Variants in CSPG4 observed in about 807,000 individuals in gnomAD.
CSPG4 encodes chondroitin sulfate proteoglycan 4, also known as chondroitin sulfate proteoglycan 4 (melanoma-associated).
A neutral mutation model predicts 139.3 loss-of-function variants in CSPG4; 74 were observed. That is an observed-to-expected ratio of 0.53 (90% CI 0.44 to 0.64). The LOEUF is 0.64. Among genes scored for constraint, CSPG4 ranks in the 30% least tolerant of loss-of-function variants. The pLI is 0.00. For synonymous variants in CSPG4, 1,234 were observed against 1,394.2 expected (o/e 0.89, Z 2.56); for missense variants, 2,565 against 3,148.3 (o/e 0.81, Z 4.43).
rs754936270 is a variant in CSPG4, at chr15:75,687,597, G to A, written c.3468C>T (p.Leu1156=). Residue 1156 remains leucine (L), a synonymous_variant, in exon 3 of 10, where the codon CTC becomes CTT. Transcript: ENST00000308508. The surrounding 1 kb of genome is among the most constrained non-coding windows in gnomAD (Gnocchi z 5.4). The stretch of plus-strand genomic sequence containing the variant: ...GGACCTCATCCCCACTGCGGATGTC[G>A]AGGTTGGTGTCCAGGTGGAGCACGG... The part of the protein sequence containing the change: ...DTAVLHLDTN[L]DIRSGDEVHY... 2.9e-5 allele frequency: 47 copies of A among 1,611,012 alleles called. No homozygotes were observed. Among genetic ancestry groups the A allele is most frequent in the Admixed American group, 2.7e-4 (16 of 59,918 alleles).
intron 2 of CSPG4, among the ~76,000 whole-genome samples, chr15:75,691,647 A>G (rs1450701553): frequency 6.6e-6 from 1 of 152,154 alleles, no homozygotes; most frequent in African/African-American, 2.4e-5. Context: ...TCTGAAAAAA[A>G]GCTCCCTGAC....
chr15:75,685,226 C>T lies in CSPG4; in HGVS notation c.4265G>A (p.Trp1422Ter). ...CCTCTCTCACAGCCATACCATTCTC[C>T]AGGAGAAGGCGCTGAGGGTCCTGGC... Reference protein sequence around the residue: ...PQARTLSAFSWRMVEEQLIRY... With the variant: ...PQARTLSAFS Residue 1422 changes from tryptophan (W) to a stop codon, truncating the protein, a stop_gained, in exon 4 of 10, where the codon TGG (tryptophan) becomes TAG (stop). Coordinates refer to ENST00000308508, the MANE Select transcript of CSPG4 (RefSeq NM_001897.5). LOFTEE classifies it high-confidence loss of function. The T allele has an allele frequency of 6.6e-7, 1 of 1,518,160 alleles. No homozygotes were observed. The highest frequency in any genetic ancestry group is 8.8e-7 in the Non-Finnish European group (1 of 1,134,334). 94.0% of individuals were successfully genotyped at this position (1,518,160 alleles called of 1,614,324 possible). A position where few individuals can be genotyped will look rare whatever the true frequency, so the allele number is the denominator to read the frequency against.
intron 8 of CSPG4, among the ~76,000 whole-genome samples, chr15:75,681,050 C>T (rs962271008): frequency 4.6e-5 from 7 of 152,330 alleles, no homozygotes; most frequent in East Asian, 1.9e-4. Flanking sequence ...CTCTCCATTC[C>T]TGGGCATTCT....
At chr15:75,705,046 G>C (rs570315787) in intron 1 of CSPG4, among the ~76,000 whole-genome samples, 1 of 152,324 alleles carries the variant, frequency 6.6e-6, no homozygotes, top group East Asian at 1.9e-4. Flanking sequence ...TCACTCACCT[G>C]CTCTGGGGAC....
chr15:75,687,246 C>G lies in CSPG4; in HGVS notation c.3789+30G>C. 1 of 1,607,618 alleles carries G rather than the reference C, an allele frequency of 6.2e-7. No individual in the cohort carries two copies. The highest frequency in any genetic ancestry group is 8.5e-7 in the Non-Finnish European group (1 of 1,179,658). ...GGGAGAAGGCCCTCTACCTGGCCCACACCCCTGCTCACCACCTCCAACTCC... is the reference window on the plus strand; with the variant it reads ...GGGAGAAGGCCCTCTACCTGGCCCAGACCCCTGCTCACCACCTCCAACTCC... On this transcript the variant is annotated intron_variant, in intron 3 of 9. Coordinates refer to ENST00000308508, the MANE Select transcript of CSPG4 (RefSeq NM_001897.5). The surrounding 1 kb of genome is among the most constrained non-coding windows in gnomAD (Gnocchi z 5.4).
chr15:75,689,375 C>T lies in CSPG4; in HGVS notation c.1690G>A (p.Val564Met), dbSNP rs1391196229. 2 of 1,612,510 alleles carry T rather than the reference C, an allele frequency of 1.2e-6. No individual in the cohort carries two copies. Among genetic ancestry groups the T allele is most frequent in the Non-Finnish European group, 1.7e-6 (2 of 1,179,866 alleles). The change falls in exon 3 of 10, where the codon GTG becomes ATG. Residue 564 changes from valine (V) to methionine (M), a missense_variant. Coordinates refer to ENST00000308508, the MANE Select transcript of CSPG4 (RefSeq NM_001897.5). ...HIIFPHGSLM[V>M]ILEHTQKPLG... ...GGCTTCTGCGTGTGTTCCAGGATCA[C>T]CATGAGGCTGCCATGTGGGAAGATG...
rs564006260 is a variant in CSPG4 at position 75,682,870 on chromosome 15, C to T, written c.4621G>A (p.Gly1541Ser). 164 of 1,610,066 alleles carry T rather than the reference C, an allele frequency of 1.0e-4. No homozygotes were observed. The highest frequency in any genetic ancestry group is 3.3e-4 in the Admixed American group (20 of 59,926). Residue 1541 changes from glycine to serine, a missense_variant, in exon 6 of 10, where the codon GGC becomes AGC. Coordinates refer to ENST00000308508, the MANE Select transcript of CSPG4 (RefSeq NM_001897.5). ...CTGTGTGAGAACAGCACGAGCCCGC[C>T]GTCCAGCTGGGCCTGCGTGAAGCTG... ...VRSFTQAQLD[G>S]GLVLFSHRGT... is the part of the protein sequence containing the mutation.
Position 75,688,544 on chromosome 15 carries a change from G to A in CSPG4, c.2521C>T (p.Leu841=). The A allele has an allele frequency of 6.2e-7, 1 of 1,613,204 alleles. No individual in the cohort carries two copies. The highest frequency in any genetic ancestry group is 8.5e-7 in the Non-Finnish European group (1 of 1,180,040). The change falls in exon 3 of 10, where the codon CTG becomes TTG. Residue 841 remains leucine (L), a synonymous_variant. Transcript: ENST00000308508. ...TGGGTGAAGCCCTGGCCATCTGACA[G>A]CCTTGTGCCCTGTAGTTGAAGGTTG... ...KGNLQLQGTR[L]SDGQGFTQDD...
rs774334588 is a variant in CSPG4 at position 75,688,133 on chromosome 15, C to T, written c.2932G>A (p.Glu978Lys). 2.0e-5 allele frequency: 33 copies of T among 1,612,740 alleles called. No individual in the cohort carries two copies. The highest frequency in any genetic ancestry group is 1.6e-4 in the Middle Eastern group (1 of 6,076). The change falls in exon 3 of 10, where the codon GAG becomes AAG. Residue 978 changes from glutamate (E) to lysine (K), a missense_variant. Physicochemically the swap from Glu to Lys is moderately conservative, Grantham distance 56. This residue lies in a region of CSPG4 where 2,316 missense variants were observed against 2,818.2 expected (regional missense o/e 0.82). Transcript: ENST00000308508. ...AATGGGATATCATCTTCTGTGGTCTCGGAGTCATCATGCTGGTAGACCAGC... is the reference window on the plus strand; with the variant it reads ...AATGGGATATCATCTTCTGTGGTCTTGGAGTCATCATGCTGGTAGACCAGC... ...GRLVYQHDDS[E>K]TTEDDIPFVA...
Position 75,712,827 on chromosome 15 carries a change from G to A in CSPG4, c.-72C>T, listed in dbSNP as rs1241301854. 5 of 1,322,664 alleles carry A rather than the reference G, an allele frequency of 3.8e-6. No individual in the cohort carries two copies. Among genetic ancestry groups the A allele is most frequent in the Non-Finnish European group, 4.0e-6 (4 of 987,758 alleles). The allele number at this position is 1,322,664 out of a possible 1,614,324, so 81.9% of individuals were successfully genotyped here. Reference sequence around the variant, plus strand: ...GGGAGCTGGGAGCTGAGTGGAGCGAGCGCGGCTCTGCTCCTGGGCGCGGGC... The same window carrying A: ...GGGAGCTGGGAGCTGAGTGGAGCGAACGCGGCTCTGCTCCTGGGCGCGGGC... On this transcript the variant is annotated 5_prime_UTR_variant, in exon 1 of 10. Transcript: ENST00000308508.
Position 75,688,380 on chromosome 15 carries a change from A to G in CSPG4, c.2685T>C (p.Gly895=). ...PLYTFPIHIG[G]DPDAPVLTNV... Reference sequence around the variant, plus strand: ...TGGTGAGGACAGGCGCATCTGGGTCACCACCAATGTGGATGGGGAAGGTAT... The same window carrying G: ...TGGTGAGGACAGGCGCATCTGGGTCGCCACCAATGTGGATGGGGAAGGTAT... Residue 895 remains glycine (G), a synonymous_variant, in exon 3 of 10, where the codon GGT becomes GGC. Coordinates refer to ENST00000308508, the MANE Select transcript of CSPG4 (RefSeq NM_001897.5). 1 of 1,613,352 alleles carries G rather than the reference A, an allele frequency of 6.2e-7. No homozygotes were observed. The highest frequency in any genetic ancestry group is 1.1e-5 in the South Asian group (1 of 91,092).
intron 1 of CSPG4, among the ~76,000 whole-genome samples, chr15:75,701,719 C>A (rs1255571105): frequency 6.6e-6 from 1 of 152,198 alleles, no homozygotes; most frequent in Non-Finnish European, 1.5e-5. Context: ...TCCAGGCCCA[C>A]TGCCAGTGTC....
At chr15:75,691,043 G>A (rs1308649429) in intron 2 of CSPG4, among the ~76,000 whole-genome samples, 3 of 152,282 alleles carry the variant, frequency 2.0e-5, no homozygotes, top group East Asian at 3.9e-4. Flanking sequence ...GCATGGTGGC[G>A]CATGCCTGTA....
At position 75,690,167 on chromosome 15, in the gene CSPG4, C is replaced by T. The variant is rs527729078; in HGVS notation, c.898G>A (p.Val300Met). The change falls in exon 3 of 10, where the codon GTG (valine) becomes ATG (methionine). Residue 300 changes from valine (V) to methionine (M), a missense_variant. By Grantham distance (21) the Val-to-Met change is conservative. Coordinates refer to ENST00000308508, the MANE Select transcript of CSPG4 (RefSeq NM_001897.5). The stretch of plus-strand genomic sequence containing the variant: ...GAAGTATGCGTAGGGTACTGGTCCA[C>T]GGAGATTTCCAGCCGGTGAGCATTG... Reference protein sequence around the residue: ...HINAHRLEISVDQYPTHTSNR... With the variant: ...HINAHRLEISMDQYPTHTSNR... 8.7e-6 allele frequency: 14 copies of T among 1,613,146 alleles called. No individual in the cohort carries two copies. The highest frequency in any genetic ancestry group is 1.7e-4 in the Middle Eastern group (1 of 6,058).
At chr15:75,679,794 C>G (rs996035802) in intron 8 of CSPG4, 3 of 152,154 alleles carry the variant, frequency 2.0e-5, no homozygotes, top group Admixed American at 1.3e-4. Context: ...CAAGCGATTC[C>G]CCTGCCTCAG....
rs200546042 is a variant in CSPG4 at position 75,690,703 on chromosome 15, G to A, written c.362C>T (p.Ala121Val). 1.1e-5 allele frequency: 17 copies of A among 1,612,978 alleles called. No homozygotes were observed. Among genetic ancestry groups the A allele is most frequent in the Admixed American group, 1.7e-5 (1 of 60,012 alleles). The change falls in exon 3 of 10, where the codon GCC becomes GTC. Residue 121 changes from alanine to valine, a missense_variant. Transcript: ENST00000308508. ...TVVLTVVEGWATLSVDGFLNA... is the reference protein window; with the variant it reads ...TVVLTVVEGWVTLSVDGFLNA... ...CAGAAACCCATCGACTGACAACGTGGCCCAGCCCTCTACGACAGTCAGCAC... is the reference window on the plus strand; with the variant it reads ...CAGAAACCCATCGACTGACAACGTGACCCAGCCCTCTACGACAGTCAGCAC...
chr15:75,681,238 C>T (rs1258460878), intron 8 of CSPG4, among the ~76,000 whole-genome samples: 1 of 152,232 alleles, frequency 6.6e-6, no homozygotes, highest in Non-Finnish European at 1.5e-5. Flanking sequence ...TCAAAGCCAC[C>T]TCCTTCCAGA....
In CSPG4 at chr15:75,690,713, C is replaced by T. The variant is rs1241992370; in HGVS notation, c.352G>A (p.Glu118Lys). The T allele has an allele frequency of 6.2e-7, 1 of 1,613,060 alleles. No individual in the cohort carries two copies. The highest frequency in any genetic ancestry group is 8.5e-7 in the Non-Finnish European group (1 of 1,180,046). The change falls in exon 3 of 10, where the codon GAG becomes AAG. Residue 118 changes from glutamate to lysine, a missense_variant. Glu to Lys is a moderately conservative substitution (Grantham distance 56). Coordinates refer to ENST00000308508, the MANE Select transcript of CSPG4 (RefSeq NM_001897.5). Reference protein sequence around the residue: ...IPHTVVLTVVEGWATLSVDGF... With the variant: ...IPHTVVLTVVKGWATLSVDGF... The stretch of plus-strand genomic sequence containing the variant: ...TCGACTGACAACGTGGCCCAGCCCT[C>T]TACGACAGTCAGCACCACAGTGTGG...
rs140429412 is a variant in CSPG4 at position 75,676,418 on chromosome 15, T to C, written c.6101A>G (p.Asn2034Ser). ...AGTGACGTTCACTACGGCTGATGCA[T>C]TGACACCCCTAGCCAGTGCCAGGAC... ...FRVLALARGV[N>S]ASAVVNVTVR... The change falls in exon 10 of 10, where the codon AAT (asparagine) becomes AGT (serine). Residue 2034 changes from asparagine (N) to serine (S), a missense_variant. By Grantham distance (46) the Asn-to-Ser change is conservative. Coordinates refer to ENST00000308508, the MANE Select transcript of CSPG4 (RefSeq NM_001897.5). 70 of 1,613,618 alleles carry C rather than the reference T, an allele frequency of 4.3e-5. No individual in the cohort carries two copies. The highest frequency in any genetic ancestry group is 2.1e-4 in the South Asian group (19 of 91,090).
Sources: allele counts gnomAD v4.1 joint callset (sites outside exome capture counted in the v4.1 genomes callset), GRCh38; gene constraint gnomAD v4.1.1; regional missense constraint gnomAD v4.1.1; non-coding constraint Gnocchi (gnomAD v3.1); transcripts MANE v1.5; gene names NCBI Gene and HGNC (gene_info 2026-07-23, HGNC 2026-07-21).